Variants in TSHZ2 observed in about 807,000 individuals in gnomAD.
TSHZ2 encodes the protein teashirt homolog 2.
TSHZ2 carries 21 observed loss-of-function variants against 74.4 expected under a neutral mutation model. The ratio of observed to expected loss-of-function variants is 0.28; its 90% CI spans 0.20 to 0.41. The LOEUF is 0.41. Among genes scored for constraint, TSHZ2 ranks in the 10% least tolerant of loss-of-function variants. TSHZ2 has a pLI of 1.00. For synonymous variants in TSHZ2, 540 were observed against 515.3 expected (o/e 1.05, Z -0.65); for missense variants, 1,244 against 1,293.5 (o/e 0.96, Z 0.59).
At chr20:53,308,416 TG>T (rs1014237668) in intron 2 of TSHZ2, among the ~76,000 whole-genome samples, 1 of 151,978 alleles carries the variant, frequency 6.6e-6, no homozygotes, top group South Asian at 2.1e-4. Flanking sequence ...AACTGCTAAA[TG>T]GGGGAAAGCA....
At chr20:53,266,105 C>G (rs1049480215) in intron 2 of TSHZ2, among the ~76,000 whole-genome samples, 1 of 152,162 alleles carries the variant, frequency 6.6e-6, no homozygotes, top group African/African-American at 2.4e-5. Context: ...AGCAGTTAGA[C>G]TTACTGGGTT....
At chr20:53,246,972 G>A (rs572166646) in intron 1 of TSHZ2, among the ~76,000 whole-genome samples, 2 of 152,256 alleles carry the variant, frequency 1.3e-5, no homozygotes, top group South Asian at 2.1e-4. Flanking sequence ...GAGAGAGATT[G>A]TTGTTTTGAT....
chr20:53,386,688 G>A (rs1487829222), intron 2 of TSHZ2, among the ~76,000 whole-genome samples: 1 of 152,192 alleles, frequency 6.6e-6, no homozygotes, highest in Non-Finnish European at 1.5e-5. Context: ...TGAGCTGTGT[G>A]TATAAAACAT....
chr20:53,227,614 T>C (rs749102142), intron 1 of TSHZ2, among the ~76,000 whole-genome samples: 2 of 152,112 alleles, frequency 1.3e-5, no homozygotes, highest in Non-Finnish European at 2.9e-5. Context: ...GAAGGGTAAT[T>C]TTTTTTAGTA....
chr20:53,210,348 T>C (rs1989274639), intron 1 of TSHZ2, among the ~76,000 whole-genome samples: 1 of 152,102 alleles, frequency 6.6e-6, no homozygotes, highest in South Asian at 2.1e-4. Flanking sequence ...GGGCCACATG[T>C]GGGCTTGAAG....
Position 53,185,820 on chromosome 20 carries a change from T to A in TSHZ2, c.41-67679T>A. The A allele has an allele frequency of 3.6e-6, 4 of 1,102,350 alleles. No individual in the cohort carries two copies. In the South Asian group the frequency reaches 5.9e-5, roughly 16 times the overall value. The allele number at this position is 1,102,350 out of a possible 1,614,324, so 68.3% of individuals were successfully genotyped here. ...TCCCTTGCTTGTATCAGTAATTTAA[T>A]TGAGTTTTTAAATGATACTTTTTCC... is the stretch of plus-strand genomic sequence containing the variant. On this transcript the variant is annotated intron_variant, in intron 1 of 2. Transcript: ENST00000371497.
chr20:53,422,652 C>A (rs748682795), intron 2 of TSHZ2, among the ~76,000 whole-genome samples: 1 of 152,154 alleles, frequency 6.6e-6, no homozygotes. Flanking sequence ...GGCCAGGCCT[C>A]TCATTACCAC....
intron 2 of TSHZ2, among the ~76,000 whole-genome samples, chr20:53,261,638 C>G (rs563759223): frequency 2.0e-5 from 3 of 152,184 alleles, no homozygotes; most frequent in Non-Finnish European, 4.4e-5. Flanking sequence ...ACCTTCCCCC[C>G]TCATTTGGAC....
chr20:53,064,966 C>G (rs1213436913), intron 1 of TSHZ2, among the ~76,000 whole-genome samples: 8 of 152,230 alleles, frequency 5.3e-5, no homozygotes, highest in South Asian at 2.1e-4. Flanking sequence ...GTTAATAGAC[C>G]TATTTGATGT....
intron 1 of TSHZ2, among the ~76,000 whole-genome samples, chr20:53,188,124 T>C (rs1988644111): frequency 6.6e-6 from 1 of 152,182 alleles, no homozygotes; most frequent in South Asian, 2.1e-4. Flanking sequence ...CACAGTTCCC[T>C]TCTCAAAATT....
chr20:53,239,154 C>T (rs1269011281), intron 1 of TSHZ2, among the ~76,000 whole-genome samples: 1 of 152,148 alleles, frequency 6.6e-6, no homozygotes, highest in East Asian at 1.9e-4. Context: ...CCACTAGATG[C>T]CAGTAGCACC....
chr20:53,009,000 TC>T (rs1982752240), intron 1 of TSHZ2, among the ~76,000 whole-genome samples: 1 of 117,774 alleles, frequency 8.5e-6, no homozygotes, highest in African/African-American at 4.0e-5. Flanking sequence ...TCTCTCTCTC[TC>T]TCTCTCTCTC....
At chr20:53,003,499 A>G (rs182884364) in intron 1 of TSHZ2, among the ~76,000 whole-genome samples, 30 of 152,184 alleles carry the variant, frequency 2.0e-4, no homozygotes, top group Non-Finnish European at 3.4e-4. Context: ...AATCTGGTAA[A>G]ATGTGTCAGC....
chr20:53,485,778 C>T (rs1339875414), intron 2 of TSHZ2, among the ~76,000 whole-genome samples: 3 of 151,652 alleles, frequency 2.0e-5, no homozygotes, highest in Non-Finnish European at 2.9e-5. Context: ...GAGCTTTAAG[C>T]CTAGTATGAC....
intron 2 of TSHZ2, among the ~76,000 whole-genome samples, chr20:53,333,516 C>T (rs1979813294): frequency 1.3e-5 from 2 of 151,650 alleles, no homozygotes; most frequent in South Asian, 4.2e-4. Context: ...AGTGCAGTGG[C>T]ACGATCTCAG....
In TSHZ2 at chr20:53,460,971, T is replaced by G. The variant is rs375472666; in HGVS notation, c.*9-26173T>G. On this transcript the variant is annotated intron_variant, in intron 2 of 2. Transcript: ENST00000371497. ...CTGTCAGACAGGGACATTTAAGTCTTCAGAGGTTACTGCTGTCTTTTTGTT... is the reference window on the plus strand; with the variant it reads ...CTGTCAGACAGGGACATTTAAGTCTGCAGAGGTTACTGCTGTCTTTTTGTT... Among the ~76,000 whole-genome samples, 520 of 152,046 alleles carry G rather than the reference T, an allele frequency of 3.4e-3. 3 individuals are homozygous for G. Among genetic ancestry groups the G allele is most frequent in the Non-Finnish European group, 5.1e-3 (345 of 67,952 alleles).
At chr20:53,233,005 T>A (rs1989863843) in intron 1 of TSHZ2, among the ~76,000 whole-genome samples, 2 of 152,204 alleles carry the variant, frequency 1.3e-5, no homozygotes, top group African/African-American at 4.8e-5. Flanking sequence ...GACTTCTTTT[T>A]AAAAAAGATC....
chr20:53,360,973 G>C (rs936639127), intron 2 of TSHZ2, among the ~76,000 whole-genome samples: 15 of 152,140 alleles, frequency 9.9e-5, no homozygotes, highest in Admixed American at 3.3e-4. Flanking sequence ...CTCCCTCTGG[G>C]GGGCTAGTTC....
At chr20:53,409,804 T>G (rs1982981246) in intron 2 of TSHZ2, among the ~76,000 whole-genome samples, 1 of 149,694 alleles carries the variant, frequency 6.7e-6, no homozygotes, top group Non-Finnish European at 1.5e-5. Flanking sequence ...TTGAAAAAGG[T>G]CTTCAGAATT....
Sources: gnomAD v4.1 joint callset for allele counts (sites outside exome capture counted in the v4.1 genomes callset) on GRCh38, gnomAD v4.1.1 for gene constraint, MANE v1.5 for transcripts, NCBI Gene and HGNC (gene_info 2026-07-23, HGNC 2026-07-21) for gene names.